The following TBL1X variants were observed in gnomAD, a reference collection of about 807,000 sequenced individuals.
The protein encoded by TBL1X is transducin beta like 1 X-linked, also known as F-box-like/WD repeat-containing protein TBL1X.
Under a neutral mutation model 50.7 loss-of-function variants are expected in TBL1X, and 10 were observed. That is an observed-to-expected ratio of 0.20 (90% CI 0.12 to 0.33). The LOEUF is 0.33. Ranked by LOEUF, TBL1X falls within the 10% of genes least tolerant of loss-of-function variation. TBL1X has a pLI of 1.00. For missense variants in TBL1X, 340 were observed against 504.4 expected (o/e 0.67, Z 3.12); for synonymous variants, 190 against 214.7 (o/e 0.88, Z 1.01).
chrX:9,546,803 ATTTTTTTTTTTTTT>A lies in TBL1X; in HGVS notation c.-131+44974_-131+44987del, dbSNP rs774181046. Among the ~76,000 whole-genome samples the A allele has an allele frequency of 4.4e-4, 20 of 44,986 alleles. 1 individual carries two copies. The highest frequency in any genetic ancestry group is 1.2e-3 in the Admixed American group (3 of 2,566). The allele number at this position is 44,986 out of a possible 115,157, so 39.1% of individuals were successfully genotyped here. On this transcript the variant is annotated intron_variant, in intron 2 of 17. Coordinates refer to ENST00000645353, the MANE Select transcript of TBL1X (RefSeq NM_005647.4). ...ATCACTATGGATTCATTTATTCTTAATTTTTTTTTTTTTTTTTTTTTTTTTTTTTTTTTGAGACG... is the reference window on the plus strand; with the variant it reads ...ATCACTATGGATTCATTTATTCTTAATTTTTTTTTTTTTTTTTTTGAGACG...
intron 2 of TBL1X, among the ~76,000 whole-genome samples, chrX:9,611,475 G>A (rs987938947): frequency 6.2e-5 from 7 of 112,080 alleles, no homozygotes; most frequent in Middle Eastern, 4.6e-3. Flanking sequence ...TTGATTAGAC[G>A]CATGCAGTCA....
chrX:9,531,352 A>AG (rs757530571), intron 2 of TBL1X, among the ~76,000 whole-genome samples: 6 of 32,437 alleles, frequency 1.8e-4, no homozygotes, highest in African/African-American at 5.1e-4. Flanking sequence ...AAGAACCTGG[A>AG]GGGTGTGTGT....
intron 5 of TBL1X, among the ~76,000 whole-genome samples, chrX:9,663,572 A>C (rs751677565): frequency 9.0e-6 from 1 of 111,324 alleles, no homozygotes; most frequent in South Asian, 3.8e-4. Flanking sequence ...CAGCCTGGCC[A>C]ATATGGTGAA....
upstream of TBL1X, among the ~76,000 whole-genome samples, chrX:9,464,615 C>T (rs1478280986): frequency 9.0e-6 from 1 of 110,967 alleles, no homozygotes; most frequent in Non-Finnish European, 1.9e-5. Context: ...CCCCTGCCCC[C>T]TAGAAACTGA....
At chrX:9,668,425 A>G (rs2082943267) in intron 5 of TBL1X, among the ~76,000 whole-genome samples, 1 of 111,555 alleles carries the variant, frequency 9.0e-6, no homozygotes, top group African/African-American at 3.3e-5. Flanking sequence ...TGTGTTAAAC[A>G]TTGCTAATCC....
intron 5 of TBL1X, among the ~76,000 whole-genome samples, chrX:9,667,027 A>C (rs2082934530): frequency 8.9e-6 from 1 of 112,179 alleles, no homozygotes; most frequent in Non-Finnish European, 1.9e-5. Context: ...CTGCAAGTTT[A>C]AACAAGCGGG....
intron 2 of TBL1X, among the ~76,000 whole-genome samples, chrX:9,583,443 C>T (rs28537414): frequency 0.05 from 5,626 of 112,153 alleles, 116 homozygotes; most frequent in Middle Eastern, 0.12. Context: ...CTGTTTCTTT[C>T]GTGCTCATGG....
chrX:9,569,442 C>T (rs2082373678), intron 2 of TBL1X, among the ~76,000 whole-genome samples: 1 of 111,586 alleles, frequency 9.0e-6, no homozygotes, highest in East Asian at 2.8e-4. Flanking sequence ...GTGTACCGTG[C>T]TGTGTGTGTG....
intron 2 of TBL1X, among the ~76,000 whole-genome samples, chrX:9,607,438 G>A (rs1033366174): frequency 2.6e-5 from 3 of 113,312 alleles, no homozygotes; most frequent in Non-Finnish European, 5.6e-5. Context: ...CACTTGCATC[G>A]CCTGGAAACA....
rs569239621 is a variant in TBL1X, at chrX:9,608,228, G to A, written c.-130-32045G>A. Reference sequence around the variant, plus strand: ...CCACATCATATCAAGGGTAGGTACTGTCAACCTGACTCACCACTGTTGCTG... The same window carrying A: ...CCACATCATATCAAGGGTAGGTACTATCAACCTGACTCACCACTGTTGCTG... On this transcript the variant is annotated intron_variant, in intron 2 of 17. Coordinates refer to ENST00000645353, the MANE Select transcript of TBL1X (RefSeq NM_005647.4). Among the ~76,000 whole-genome samples the A allele has an allele frequency of 1.6e-4, 18 of 111,506 alleles. No homozygotes were observed. The South Asian group carries it at 6.8e-3, about 42-fold the overall frequency.
intron 13 of TBL1X, among the ~76,000 whole-genome samples, chrX:9,706,217 C>T (rs937442693): frequency 4.5e-5 from 5 of 110,846 alleles, no homozygotes; most frequent in South Asian, 3.8e-4. Context: ...TGGGAGATTG[C>T]GGAAGTAAGG....
chrX:9,464,922 A>T (rs1158451355), upstream of TBL1X: 2 of 104,467 alleles, frequency 1.9e-5, no homozygotes, highest in Admixed American at 9.8e-5. Context: ...CTCGTAGGGG[A>T]GGGGCTGGTT....
At chrX:9,470,853 C>T (rs1248726619) in intron 1 of TBL1X, among the ~76,000 whole-genome samples, 1 of 111,486 alleles carries the variant, frequency 9.0e-6, no homozygotes, top group South Asian at 3.7e-4. Context: ...AGGCTGGTCT[C>T]GAACTCCTGA....
At chrX:9,642,282 T>C (rs2082779673) in intron 3 of TBL1X, among the ~76,000 whole-genome samples, 1 of 111,728 alleles carries the variant, frequency 9.0e-6, no homozygotes, top group African/African-American at 3.3e-5. Context: ...TTTGATAACT[T>C]GTATGGTTTA....
upstream of TBL1X, among the ~76,000 whole-genome samples, chrX:9,463,922 A>C (rs1298998747): frequency 9.0e-6 from 1 of 111,396 alleles, no homozygotes; most frequent in Non-Finnish European, 1.9e-5. Context: ...AAAAAACAAA[A>C]ACCTCACCTT....
intron 2 of TBL1X, among the ~76,000 whole-genome samples, chrX:9,521,582 G>A (rs1488773165): frequency 1.8e-5 from 2 of 111,822 alleles, no homozygotes; most frequent in Admixed American, 9.4e-5. Flanking sequence ...GACCTCCTGC[G>A]GATACCCAAA....
chrX:9,631,340 G>A (rs1267693088), intron 2 of TBL1X, among the ~76,000 whole-genome samples: 3 of 111,554 alleles, frequency 2.7e-5, no homozygotes, highest in Non-Finnish European at 3.8e-5. Flanking sequence ...TCGTGTCTCA[G>A]CCTTTTCGCT....
At chrX:9,589,796 G>A (rs980849207) in intron 2 of TBL1X, among the ~76,000 whole-genome samples, 3 of 111,580 alleles carry the variant, frequency 2.7e-5, no homozygotes, top group African/African-American at 9.8e-5. Context: ...ACTAGCATAG[G>A]CACAAAGCGT....
chrX:9,494,338 C>G (rs1365511597), intron 1 of TBL1X, among the ~76,000 whole-genome samples: 1 of 111,455 alleles, frequency 9.0e-6, no homozygotes, highest in East Asian at 2.8e-4. Context: ...TGGTTATCTA[C>G]TCATGTGCGT....
Sources: allele counts gnomAD v4.1 joint callset (sites outside exome capture counted in the v4.1 genomes callset), GRCh38; gene constraint gnomAD v4.1.1; transcripts MANE v1.5; gene names NCBI Gene and HGNC (gene_info 2026-07-23, HGNC 2026-07-21).